Variants in ALDH1L1 observed in about 807,000 individuals in gnomAD.
ALDH1L1 encodes the protein cytosolic 10-formyltetrahydrofolate dehydrogenase.
In ALDH1L1, 68 loss-of-function variants were observed where a neutral mutation model predicts 101.1. The observed-to-expected ratio is 0.67, with a 90% CI of 0.55 to 0.82. The LOEUF (loss-of-function observed/expected upper bound fraction) is 0.82, where lower values mean the gene tolerates loss of function less well. Ranked by LOEUF, ALDH1L1 falls within the 40% of genes least tolerant of loss-of-function variation. ALDH1L1 has a pLI of 0.00. For synonymous variants in ALDH1L1, 486 were observed against 470.8 expected (o/e 1.03, Z -0.42); for missense variants, 1,087 against 1,172.7 (o/e 0.93, Z 1.07).
At chr3:126,133,056 C>T (rs2080347970) in intron 12 of ALDH1L1, among the ~76,000 whole-genome samples, 1 of 152,250 alleles carries the variant, frequency 6.6e-6, no homozygotes, top group Non-Finnish European at 1.5e-5. Flanking sequence ...GCTGCGAAGA[C>T]AGGAGCTGCC....
At chr3:126,193,646 G>T (rs1222600528) in intron 1 of ALDH1L1, among the ~76,000 whole-genome samples, 1 of 152,184 alleles carries the variant, frequency 6.6e-6, no homozygotes, top group African/African-American at 2.4e-5. Flanking sequence ...GGTTCTCCAT[G>T]AGTCCATGCT....
At chr3:126,138,321 A>G (rs1184682447) in intron 9 of ALDH1L1, among the ~76,000 whole-genome samples, 1 of 152,200 alleles carries the variant, frequency 6.6e-6, no homozygotes. Context: ...ATCTCCAAAA[A>G]TCTCTGTTAA....
intron 12 of ALDH1L1, chr3:126,135,279 T>A (rs1446095400): frequency 2.8e-6 from 1 of 359,584 alleles, no homozygotes; most frequent in Non-Finnish European, 5.0e-6. Context: ...CCGCACCTCC[T>A]CACCTCCACC....
At chr3:126,121,783 G>T (rs1049180175) in intron 16 of ALDH1L1, among the ~76,000 whole-genome samples, 4 of 152,240 alleles carry the variant, frequency 2.6e-5, no homozygotes, top group African/African-American at 9.6e-5. Context: ...CTCCAGGCAG[G>T]TGTGGCCAGG....
chr3:126,179,498 T>TCAAACAAACAAACAAA lies in ALDH1L1; in HGVS notation c.-24+962_-24+977dup, dbSNP rs74555685. ...CTGGGCGACAGAGCGAGACTCTGTC[T>TCAAACAAACAAACAAA]CAAACAAACAAACAAACAAACAGCA... On this transcript the variant is annotated intron_variant, in intron 1 of 22. Transcript: ENST00000393434. Among the ~76,000 whole-genome samples, 285 of 151,738 alleles carry TCAAACAAACAAACAAA rather than the reference T, an allele frequency of 1.9e-3. 2 individuals carry two copies. Among genetic ancestry groups the TCAAACAAACAAACAAA allele is most frequent in the African/African-American group, 6.3e-3 (262 of 41,314 alleles).
intron 1 of ALDH1L1, among the ~76,000 whole-genome samples, chr3:126,164,002 G>A (rs190033929): frequency 4.6e-5 from 7 of 152,032 alleles, no homozygotes; most frequent in East Asian, 3.9e-4. Flanking sequence ...ATGGTAGTAC[G>A]TGCCTGTAGT....
chr3:126,137,886 A>C lies in ALDH1L1; in HGVS notation c.1151T>G (p.Phe384Cys). ...CACTAACAGCTGGATGAAGTCCCCAAAGGTGGATGCCATGTACACATCTTC... is the reference window on the plus strand; with the variant it reads ...CACTAACAGCTGGATGAAGTCCCCACAGGTGGATGCCATGTACACATCTTC... ...ENEDVYMAST[F>C]GDFIQLLVRK... Residue 384 changes from phenylalanine (F) to cysteine (C), a missense_variant, in exon 10 of 23, where the codon TTT (phenylalanine) becomes TGT (cysteine). Transcript: ENST00000393434. The C allele has an allele frequency of 6.2e-7, 1 of 1,614,192 alleles. No homozygotes were observed. Among genetic ancestry groups the C allele is most frequent in the Non-Finnish European group, 8.5e-7 (1 of 1,180,030 alleles).
chr3:126,126,021 T>C (rs898513748), intron 14 of ALDH1L1, among the ~76,000 whole-genome samples: 9 of 152,032 alleles, frequency 5.9e-5, no homozygotes, highest in African/African-American at 2.2e-4. Flanking sequence ...GAGAGGGTGA[T>C]GGCAGGCAGG....
At chr3:126,161,307 G>A (rs1319428100) in intron 1 of ALDH1L1, among the ~76,000 whole-genome samples, 2 of 152,262 alleles carry the variant, frequency 1.3e-5, no homozygotes, top group Non-Finnish European at 2.9e-5. Context: ...AATGTTGGGT[G>A]TCAAGATGTT....
rs374758240 is a variant in ALDH1L1, at chr3:126,131,460, G to A, written c.1547C>T (p.Thr516Met). The stretch of plus-strand genomic sequence containing the variant: ...GCCCACGTGGGTCTTCAGGGCCAGC[G>A]TGTAGACGGCACCCGCATCCAGGGC... ...IEALDAGAVYTLALKTHVGMS... is the reference protein window; with the variant it reads ...IEALDAGAVYMLALKTHVGMS... Residue 516 changes from threonine to methionine, a missense_variant, in exon 13 of 23, where the codon ACG (threonine) becomes ATG (methionine). Physicochemically the swap from Thr to Met is moderately conservative, Grantham distance 81. Around this residue, in one of 2 missense-constraint regions of ALDH1L1, gnomAD observed 442 missense variants for 535.7 expected, o/e 0.83. Transcript: ENST00000393434. 45 of 1,613,378 alleles carry A rather than the reference G, an allele frequency of 2.8e-5. No homozygotes were observed. The highest frequency in any genetic ancestry group is 3.3e-5 in the Admixed American group (2 of 59,988).
chr3:126,135,549 GC>G lies in ALDH1L1; in HGVS notation c.1457del (p.Gly486AlafsTer3). Reference protein sequence around the residue: ...RWGKISARDRGRLMYRLADLM... With the variant: ...RWGKISARDRXRLMYRLADLM... Reference sequence around the variant, plus strand: ...TGGGCTCCCACCTGTACATCAGCCGGCCCCGGTCCCGCGCACTGATCTTCCC... The same window carrying G: ...TGGGCTCCCACCTGTACATCAGCCGGCCCGGTCCCGCGCACTGATCTTCCC... On this transcript the variant is annotated frameshift_variant, in exon 12 of 23. Transcript: ENST00000393434. LOFTEE classifies it high-confidence loss of function. The G allele has an allele frequency of 1.9e-6, 3 of 1,608,102 alleles. No homozygotes were observed. The highest frequency in any genetic ancestry group is 1.1e-5 in the South Asian group (1 of 89,984).
At chr3:126,118,263 A>T (rs1576421535) in intron 16 of ALDH1L1, among the ~76,000 whole-genome samples, 165 bp from the exon 17 acceptor site, 1 of 152,038 alleles carries the variant, frequency 6.6e-6, no homozygotes, top group African/African-American at 2.4e-5. Context: ...CTCGCTCCCT[A>T]TTAGGGGCTG....
At chr3:126,133,716 G>A (rs2080361271) in intron 12 of ALDH1L1, among the ~76,000 whole-genome samples, 1 of 152,204 alleles carries the variant, frequency 6.6e-6, no homozygotes, top group Non-Finnish European at 1.5e-5. Context: ...TGCAGGAGAA[G>A]TGAAGCTGCT....
chr3:126,146,835 C>T lies in ALDH1L1; in HGVS notation c.1076G>A (p.Arg359Lys), dbSNP rs1289527944. The change falls in exon 9 of 23, where the codon AGG (arginine) becomes AAG (lysine). Residue 359 changes from arginine (R) to lysine (K), a missense_variant and splice_region_variant. By Grantham distance (26) the Arg-to-Lys change is conservative. Coordinates refer to ENST00000393434, the MANE Select transcript of ALDH1L1 (RefSeq NM_012190.4). The stretch of plus-strand genomic sequence containing the variant: ...AGGACCCCTCCACTCCTGGCCTTAC[C>T]TCACAACGTCCACAGACGCGGCCCC... ...KSGAASVDVV[R>K]LVEEVKELCD... 1 of 1,614,062 alleles carries T rather than the reference C, an allele frequency of 6.2e-7. No homozygotes were observed. The highest frequency in any genetic ancestry group is 2.2e-5 in the East Asian group (1 of 44,872).
intron 1 of ALDH1L1, among the ~76,000 whole-genome samples, chr3:126,173,721 A>G (rs1370188499): frequency 6.6e-6 from 1 of 152,254 alleles, no homozygotes; most frequent in African/African-American, 2.4e-5. Context: ...CCATTTCAAC[A>G]TAAAAACCAG....
chr3:126,158,077 C>A (rs1047461653), intron 3 of ALDH1L1, among the ~76,000 whole-genome samples: 1 of 152,090 alleles, frequency 6.6e-6, no homozygotes, highest in African/African-American at 2.4e-5. Context: ...CTGGCCCCTG[C>A]GCCTCCTGGT....
chr3:126,138,733 C>G lies in ALDH1L1; in HGVS notation c.1077-773G>C, dbSNP rs117995264. On this transcript the variant is annotated intron_variant, in intron 9 of 22. Transcript: ENST00000393434. ...ACTTTGGAAAGCAGTTTAGCACTTT[C>G]TAAAGAATTAAACATACTTCCTATT... Among the ~76,000 whole-genome samples the G allele has an allele frequency of 2.3e-4, 35 of 152,302 alleles. No individual in the cohort carries two copies. The East Asian group carries it at 6.7e-3, about 29-fold the overall frequency.
At chr3:126,171,249 G>C (rs556998474) in intron 1 of ALDH1L1, among the ~76,000 whole-genome samples, 74 of 152,322 alleles carry the variant, frequency 4.9e-4, no homozygotes, top group Non-Finnish European at 4.9e-4. Flanking sequence ...AGTGAGCCGA[G>C]ATGGCGCCAC....
intron 4 of ALDH1L1, 89 bp from the exon 5 acceptor site, chr3:126,155,592 C>G (rs1167197619): frequency 1.9e-6 from 2 of 1,066,280 alleles, no homozygotes; most frequent in Non-Finnish European, 1.3e-6. Context: ...GGACCCTTCC[C>G]CAGACTGACC....
Sources: gnomAD v4.1 joint callset for allele counts (sites outside exome capture counted in the v4.1 genomes callset) on GRCh38, gnomAD v4.1.1 for gene constraint, gnomAD v4.1.1 regional missense constraint, MANE v1.5 for transcripts, NCBI Gene and HGNC (gene_info 2026-07-23, HGNC 2026-07-21) for gene names.